GPC5: variants seen among roughly 807,000 people sequenced by gnomAD.
GPC5 encodes glypican 5, also known as glypican-5.
A neutral mutation model predicts 53.9 loss-of-function variants in GPC5; 47 were observed. The observed-to-expected ratio is 0.87, with a 90% CI of 0.69 to 1.11. The LOEUF (loss-of-function observed/expected upper bound fraction) is 1.11. Among genes scored for constraint, GPC5 ranks in the 50% most tolerant of loss-of-function variants. The pLI is 0.00. For synonymous variants in GPC5, 286 were observed against 263.3 expected (o/e 1.09, Z -0.84); for missense variants, 748 against 713.1 (o/e 1.05, Z -0.56).
chr13:92,125,936 T>G (rs1295326254), intron 6 of GPC5, among the ~76,000 whole-genome samples: 45 of 16,578 alleles, frequency 2.7e-3, no homozygotes, highest in African/African-American at 7.9e-3. Flanking sequence ...TTTTTTTTTT[T>G]TTTTTTTTTT....
chr13:91,910,508 G>T (rs1018359005), intron 6 of GPC5, among the ~76,000 whole-genome samples: 25 of 152,112 alleles, frequency 1.6e-4, no homozygotes, highest in Non-Finnish European at 2.4e-4. Context: ...CCACCTTTGT[G>T]CTATGAAAAA....
chr13:92,154,525 G>A (rs2041929642), intron 7 of GPC5, among the ~76,000 whole-genome samples: 1 of 152,078 alleles, frequency 6.6e-6, no homozygotes, highest in Non-Finnish European at 1.5e-5. Context: ...CTCAGAAGAT[G>A]ACCAATTCTT....
chr13:92,039,375 G>A lies in GPC5; in HGVS notation c.1402-105455G>A, dbSNP rs1488335486. On this transcript the variant is annotated intron_variant, in intron 6 of 7. Transcript: ENST00000377067. ...GAAGAGGCAGCAGGACTTCTATAAC[G>A]TTGGGATCGGGAATTCAGTAAACCC... Among the ~76,000 whole-genome samples the A allele has an allele frequency of 2.0e-5, 3 of 152,192 alleles. No homozygotes were observed. The East Asian group carries it at 5.8e-4, about 29-fold the overall frequency.
At chr13:91,954,807 T>A (rs1490395754) in intron 6 of GPC5, among the ~76,000 whole-genome samples, 1 of 152,082 alleles carries the variant, frequency 6.6e-6, no homozygotes, top group Non-Finnish European at 1.5e-5. Context: ...AAAATCACTC[T>A]TACTGACAAA....
intron 7 of GPC5, among the ~76,000 whole-genome samples, chr13:92,331,227 C>G (rs1477072065): frequency 1.3e-5 from 2 of 152,048 alleles, no homozygotes; most frequent in Non-Finnish European, 2.9e-5. Context: ...ACACACATGA[C>G]TATATCCTAG....
rs2037254956 is a variant in GPC5, at chr13:91,754,815, A to G, written c.1155-1480A>G. ...AGGAAACGGACTTAAAGTAGTAAAT[A>G]TGTAATATAATTACTGTGCTATCAA... is the stretch of plus-strand genomic sequence containing the variant. On this transcript the variant is annotated intron_variant, in intron 4 of 7. Coordinates refer to ENST00000377067, the MANE Select transcript of GPC5 (RefSeq NM_004466.6). 2.0e-5 allele frequency among the ~76,000 whole-genome samples: 3 copies of G among 152,138 alleles called. No individual in the cohort carries two copies. The South Asian group carries it at 6.2e-4, about 32-fold the overall frequency.
chr13:91,607,706 G>A (rs902046166), intron 2 of GPC5, among the ~76,000 whole-genome samples: 11 of 152,178 alleles, frequency 7.2e-5, no homozygotes, highest in East Asian at 5.8e-4. Flanking sequence ...GTGTGGCTTC[G>A]TATTCATGGC....
chr13:92,338,411 A>G (rs1377111419), intron 7 of GPC5, among the ~76,000 whole-genome samples: 1 of 152,146 alleles, frequency 6.6e-6, no homozygotes, highest in Non-Finnish European at 1.5e-5. Flanking sequence ...ATGTTCCAGC[A>G]ATCACAGTAC....
intron 6 of GPC5, among the ~76,000 whole-genome samples, chr13:92,110,957 A>G (rs148040724): frequency 2.6e-4 from 39 of 152,310 alleles, no homozygotes; most frequent in African/African-American, 9.1e-4. Context: ...ACTTGTATGT[A>G]TCACCTGTTG....
chr13:92,379,136 AC>A (rs1437637934), intron 7 of GPC5, among the ~76,000 whole-genome samples: 1 of 152,084 alleles, frequency 6.6e-6, no homozygotes, highest in African/African-American at 2.4e-5. Flanking sequence ...CTCAGACATA[AC>A]TCATTTATTT....
At chr13:91,703,739 G>T (rs565810298) in intron 3 of GPC5, among the ~76,000 whole-genome samples, 107 of 152,180 alleles carry the variant, frequency 7.0e-4, no homozygotes, top group Admixed American at 1.5e-3. Flanking sequence ...TCCTTTAAAC[G>T]TTTGGTGAAA....
chr13:92,197,752 G>T (rs1299374331), intron 7 of GPC5, among the ~76,000 whole-genome samples: 1 of 151,378 alleles, frequency 6.6e-6, no homozygotes, highest in Non-Finnish European at 1.5e-5. Flanking sequence ...CTGGGCTTAA[G>T]CGATCCACCT....
intron 7 of GPC5, among the ~76,000 whole-genome samples, chr13:92,567,949 A>G (rs543918026): frequency 1.3e-5 from 2 of 152,210 alleles, no homozygotes; most frequent in Admixed American, 6.6e-5. Context: ...AATGAAAGAA[A>G]GAAAAAGTGT....
At chr13:92,422,963 C>A (rs1876647249) in intron 7 of GPC5, among the ~76,000 whole-genome samples, 1 of 152,158 alleles carries the variant, frequency 6.6e-6, no homozygotes, top group African/African-American at 2.4e-5. Flanking sequence ...CAAAATGTTG[C>A]AGACTAGACA....
intron 2 of GPC5, among the ~76,000 whole-genome samples, chr13:91,498,263 T>C (rs1884404349): frequency 1.4e-5 from 2 of 146,926 alleles, no homozygotes; most frequent in Non-Finnish European, 3.0e-5. Flanking sequence ...TTTTTTTGCT[T>C]AGTTCATAGT....
At chr13:92,693,882 C>G (rs966885368) in intron 7 of GPC5, among the ~76,000 whole-genome samples, 1 of 152,178 alleles carries the variant, frequency 6.6e-6, no homozygotes, top group East Asian at 1.9e-4. Context: ...GAGATCTTCA[C>G]GACAGCCCCT....
At chr13:92,080,374 A>T (rs915072085) in intron 6 of GPC5, among the ~76,000 whole-genome samples, 2 of 152,122 alleles carry the variant, frequency 1.3e-5, no homozygotes, top group African/African-American at 4.8e-5. Context: ...TGTGTATAGA[A>T]TTGTTTGCCA....
chr13:91,835,023 C>G (rs1255473322), intron 5 of GPC5, among the ~76,000 whole-genome samples: 2 of 152,138 alleles, frequency 1.3e-5, no homozygotes, highest in African/African-American at 4.8e-5. Context: ...TATCCAGAAT[C>G]TACAAAGAAC....
At chr13:91,804,748 G>T (rs780871739) in intron 5 of GPC5, among the ~76,000 whole-genome samples, 3 of 152,182 alleles carry the variant, frequency 2.0e-5, no homozygotes, top group African/African-American at 7.2e-5. Flanking sequence ...GCCATCTTGA[G>T]TCCCTAAGAG....
Sources: gnomAD v4.1 joint callset for allele counts (sites outside exome capture counted in the v4.1 genomes callset) on GRCh38, gnomAD v4.1.1 for gene constraint, MANE v1.5 for transcripts, NCBI Gene and HGNC (gene_info 2026-07-23, HGNC 2026-07-21) for gene names.